Variants in ELF2 observed in about 807,000 individuals in gnomAD.
The protein encoded by ELF2 is E74 like ETS transcription factor 2.
A neutral mutation model predicts 54.8 loss-of-function variants in ELF2; 11 were observed. The observed-to-expected ratio is 0.20, with a 90% CI of 0.13 to 0.33. The LOEUF (loss-of-function observed/expected upper bound fraction) is 0.33. ELF2 is among the 10% of genes least tolerant of loss of function. The pLI is 1.00. For missense variants in ELF2, 513 were observed against 703.0 expected (o/e 0.73, Z 3.06); for synonymous variants, 203 against 245.1 (o/e 0.83, Z 1.61).
At chr4:139,125,123 T>G in intron 4 of ELF2, 41 bp downstream of exon 4, 1 of 1,574,440 alleles carries the variant, frequency 6.4e-7, no homozygotes, top group Non-Finnish European at 8.6e-7. Context: ...GCTTACAAAA[T>G]GAGAAAGTTA....
chr4:139,155,954 A>C (rs1740482481), intron 1 of ELF2, among the ~76,000 whole-genome samples: 1 of 152,152 alleles, frequency 6.6e-6, no homozygotes, highest in Non-Finnish European at 1.5e-5. Flanking sequence ...AGTTGCAAGA[A>C]AGCTCTTTAA....
chr4:139,060,740 A>G, intron 8 of ELF2, 66 bp from the exon 9 acceptor site: 2 of 1,333,948 alleles, frequency 1.5e-6, no homozygotes, highest in Non-Finnish European at 2.1e-6. Flanking sequence ...CACCCCCGCC[A>G]AAAAGACCAC....
At position 139,137,732 on chromosome 4, in the gene ELF2, T is replaced by A; in HGVS notation, c.-31A>T. On this transcript the variant is annotated 5_prime_UTR_variant, in exon 3 of 10. Transcript: ENST00000686138. ...TTCCCTGAGGAAGCTTCAAACGCTATTAATCAATGAAATTAAAGGTTCACT... is the reference window on the plus strand; with the variant it reads ...TTCCCTGAGGAAGCTTCAAACGCTAATAATCAATGAAATTAAAGGTTCACT... 1 of 1,612,496 alleles carries A rather than the reference T, an allele frequency of 6.2e-7. No homozygotes were observed.
At chr4:139,081,013 G>A (rs925345591) in intron 4 of ELF2, among the ~76,000 whole-genome samples, 7 of 150,290 alleles carry the variant, frequency 4.7e-5, no homozygotes, top group African/African-American at 1.7e-4. Flanking sequence ...TTATTTTAGA[G>A]CTTTAAAAGT....
At chr4:139,113,854 C>A (rs1578831507) in intron 4 of ELF2, among the ~76,000 whole-genome samples, 1 of 145,250 alleles carries the variant, frequency 6.9e-6, no homozygotes. Flanking sequence ...GACCATGTCT[C>A]AAAAAAAAAA....
intron 1 of ELF2, among the ~76,000 whole-genome samples, chr4:139,171,907 G>A (rs775840095): frequency 6.6e-6 from 1 of 152,204 alleles, no homozygotes; most frequent in Non-Finnish European, 1.5e-5. Context: ...CTGGGCGACA[G>A]AGTGACTCAA....
intron 1 of ELF2, among the ~76,000 whole-genome samples, chr4:139,165,816 G>C (rs1184420591): frequency 1.3e-5 from 2 of 152,184 alleles, no homozygotes; most frequent in African/African-American, 4.8e-5. Context: ...TGACAAATAA[G>C]TGATTCTAGA....
At chr4:139,068,222 G>A (rs1195686945) in intron 6 of ELF2, among the ~76,000 whole-genome samples, 5 of 152,042 alleles carry the variant, frequency 3.3e-5, no homozygotes, top group African/African-American at 7.2e-5. Context: ...GGGTTTCACC[G>A]TATTAGCCAG....
chr4:139,122,061 A>G (rs1736409582), intron 4 of ELF2, among the ~76,000 whole-genome samples: 1 of 152,252 alleles, frequency 6.6e-6, no homozygotes, highest in Admixed American at 6.5e-5. Context: ...ACACATACAT[A>G]TGGGTATTTA....
intron 4 of ELF2, among the ~76,000 whole-genome samples, chr4:139,102,931 T>C (rs1406032376): frequency 6.6e-6 from 1 of 152,074 alleles, no homozygotes; most frequent in Admixed American, 6.5e-5. Context: ...TCTGTCAGAA[T>C]GCAGTGTCAG....
In ELF2 at chr4:139,155,930, A is replaced by T. The variant is rs1270029144; in HGVS notation, c.-251-16433T>A. ...ATGTTTAAAAATGATGCTAGAAATTAACAGGATAAGAAAAGTTGCAAGAAA... is the reference window on the plus strand; with the variant it reads ...ATGTTTAAAAATGATGCTAGAAATTTACAGGATAAGAAAAGTTGCAAGAAA... On this transcript the variant is annotated intron_variant, in intron 1 of 9. Coordinates refer to ENST00000686138, the MANE Select transcript of ELF2 (RefSeq NM_001331036.3). Among the ~76,000 whole-genome samples the T allele has an allele frequency of 3.3e-5, 5 of 152,236 alleles. No homozygotes were observed. In the South Asian group the frequency reaches 1.0e-3, roughly 31 times the overall value.
At chr4:139,147,377 A>C (rs1169629176) in intron 1 of ELF2, among the ~76,000 whole-genome samples, 1 of 152,206 alleles carries the variant, frequency 6.6e-6, no homozygotes, top group East Asian at 1.9e-4. Flanking sequence ...ATTAAGACAA[A>C]AGACAATAGA....
chr4:139,084,077 G>A, intron 4 of ELF2: 3 of 1,610,722 alleles, frequency 1.9e-6, no homozygotes. Context: ...CCCGCCTTCT[G>A]TGCACCCCCT....
intron 4 of ELF2, among the ~76,000 whole-genome samples, chr4:139,111,720 AAAC>A (rs1230764882): frequency 1.3e-5 from 2 of 152,176 alleles, no homozygotes; most frequent in Non-Finnish European, 2.9e-5. Flanking sequence ...CCTCCTCCTG[AAAC>A]AACACCGTAC....
At chr4:139,153,701 A>G (rs1179776229) in intron 1 of ELF2, among the ~76,000 whole-genome samples, 1 of 152,168 alleles carries the variant, frequency 6.6e-6, no homozygotes, top group Non-Finnish European at 1.5e-5. Flanking sequence ...CACCCTGACA[A>G]TATAAATTAA....
At chr4:139,163,772 G>GACAC (rs1741404805) in intron 1 of ELF2, among the ~76,000 whole-genome samples, 1 of 152,036 alleles carries the variant, frequency 6.6e-6, no homozygotes, top group African/African-American at 2.4e-5. Context: ...AAACTAGCCA[G>GACAC]ACACACTGGC....
chr4:139,127,301 C>A (rs1471684358), intron 3 of ELF2, among the ~76,000 whole-genome samples: 1 of 152,146 alleles, frequency 6.6e-6, no homozygotes. Flanking sequence ...CAATACCCAG[C>A]CCATACCATA....
intron 1 of ELF2, among the ~76,000 whole-genome samples, chr4:139,153,015 T>C (rs1377593910): frequency 6.6e-6 from 1 of 151,790 alleles, no homozygotes; most frequent in Non-Finnish European, 1.5e-5. Context: ...TTTGTAGTTA[T>C]TGAAACAAGC....
intron 3 of ELF2, among the ~76,000 whole-genome samples, chr4:139,129,163 C>G (rs958697598): frequency 2.6e-5 from 4 of 152,094 alleles, no homozygotes; most frequent in African/African-American, 9.7e-5. Flanking sequence ...GTCTCAAACT[C>G]CTGACCTCAG....
Sources: gnomAD v4.1 joint callset for allele counts (sites outside exome capture counted in the v4.1 genomes callset) on GRCh38, gnomAD v4.1.1 for gene constraint, MANE v1.5 for transcripts, NCBI Gene and HGNC (gene_info 2026-07-23, HGNC 2026-07-21) for gene names.